RCAN2: variants seen among roughly 807,000 people sequenced by gnomAD.
RCAN2 encodes the protein calcipressin-2.
Under a neutral mutation model 23.6 loss-of-function variants are expected in RCAN2, and 9 were observed. The observed-to-expected ratio is 0.38, with a 90% CI of 0.23 to 0.67. RCAN2 has a LOEUF of 0.67. Ranked by LOEUF, RCAN2 falls within the 30% of genes least tolerant of loss-of-function variation. RCAN2 has a pLI of 0.51. For missense variants in RCAN2, 273 were observed against 302.3 expected (o/e 0.90, Z 0.72); for synonymous variants, 109 against 115.7 (o/e 0.94, Z 0.37).
chr6:46,224,389 A>C (rs189738243), intron 4 of RCAN2, among the ~76,000 whole-genome samples: 1 of 152,224 alleles, frequency 6.6e-6, no homozygotes, highest in African/African-American at 2.4e-5. Context: ...TAGATCTCAC[A>C]AGATCAAGTA....
chr6:46,423,991 T>C (rs1766963520), intron 2 of RCAN2, among the ~76,000 whole-genome samples: 1 of 152,182 alleles, frequency 6.6e-6, no homozygotes, highest in South Asian at 2.1e-4. Flanking sequence ...AGCCAATAAG[T>C]GTGGCAAAAG....
At chr6:46,261,072 C>T (rs549236336) in intron 2 of RCAN2, among the ~76,000 whole-genome samples, 6 of 152,188 alleles carry the variant, frequency 3.9e-5, no homozygotes, top group South Asian at 2.1e-4. Flanking sequence ...CCATCAATTC[C>T]TCTTCTCTGA....
chr6:46,293,030 A>C lies in RCAN2; in HGVS notation c.226-44134T>G, dbSNP rs1762617135. Among the ~76,000 whole-genome samples the C allele has an allele frequency of 2.0e-5, 3 of 152,164 alleles. No homozygotes were observed. The South Asian group carries it at 6.2e-4, about 31-fold the overall frequency. On this transcript the variant is annotated intron_variant, in intron 2 of 4. Coordinates refer to ENST00000371374, the MANE Select transcript of RCAN2 (RefSeq NM_001251974.2). ...GGAATGATGGTTTCCAGCTTCATCC[A>C]TGTCCCTGCAAAAGTTATGAACTCA...
chr6:46,432,433 G>C lies in RCAN2; in HGVS notation c.225+24319C>G, dbSNP rs146187209. On this transcript the variant is annotated intron_variant, in intron 2 of 4. Coordinates refer to ENST00000371374, the MANE Select transcript of RCAN2 (RefSeq NM_001251974.2). ...TCTCCATGTTGGCCAGGCTGGTCTC[G>C]AACTCCTGATCTCAGGTGATTTGCT... Among the ~76,000 whole-genome samples, 241 of 152,088 alleles carry C rather than the reference G, an allele frequency of 1.6e-3. 2 individuals carry two copies. In the East Asian group the frequency reaches 0.037, roughly 23 times the overall value.
chr6:46,365,901 A>C (rs1254419369), intron 2 of RCAN2, among the ~76,000 whole-genome samples: 1 of 152,208 alleles, frequency 6.6e-6, no homozygotes, highest in Non-Finnish European at 1.5e-5. Flanking sequence ...TGTGTTGGGC[A>C]TTATGCTAGC....
chr6:46,343,375 A>AT lies in RCAN2; in HGVS notation c.226-94480dup, dbSNP rs3084618. The stretch of plus-strand genomic sequence containing the variant: ...AATGGTATAGCCACTTGGGAAAACA[A>AT]TTTTTTTTTTTTTTTTTTGAGACAG... On this transcript the variant is annotated intron_variant, in intron 2 of 4. Transcript: ENST00000371374. 3.2e-3 allele frequency among the ~76,000 whole-genome samples: 429 copies of AT among 135,668 alleles called. 1 individual carries two copies. The highest frequency in any genetic ancestry group is 5.4e-3 in the African/African-American group (202 of 37,674). The allele number at this position is 135,668 out of a possible 152,430, so 89.0% of individuals were successfully genotyped here. A position where few individuals can be genotyped will look rare whatever the true frequency, so the allele number is the denominator to read the frequency against.
At chr6:46,232,071 C>T (rs1460965984) in intron 4 of RCAN2, among the ~76,000 whole-genome samples, 1 of 151,972 alleles carries the variant, frequency 6.6e-6, no homozygotes. Flanking sequence ...GTGGCCCAGT[C>T]TGATACAGAA....
intron 1 of RCAN2, among the ~76,000 whole-genome samples, chr6:46,473,443 A>ATT (rs201971641): frequency 6.6e-6 from 1 of 151,240 alleles, no homozygotes; most frequent in African/African-American, 2.4e-5. Context: ...TGTCTGTGCT[A>ATT]TTTTTTTTTG....
chr6:46,477,629 A>G (rs1768751070), intron 1 of RCAN2, among the ~76,000 whole-genome samples: 1 of 152,216 alleles, frequency 6.6e-6, no homozygotes, highest in South Asian at 2.1e-4. Context: ...TAATACAAAT[A>G]TTATCTACTG....
At chr6:46,247,822 T>C (rs946131524) in intron 3 of RCAN2, among the ~76,000 whole-genome samples, 5 of 152,218 alleles carry the variant, frequency 3.3e-5, no homozygotes, top group Admixed American at 1.3e-4. Flanking sequence ...TGTGTGTACA[T>C]GTATTTTTTT....
In RCAN2 at chr6:46,433,941, C is replaced by G. The variant is rs974874648; in HGVS notation, c.225+22811G>C. On this transcript the variant is annotated intron_variant, in intron 2 of 4. Coordinates refer to ENST00000371374, the MANE Select transcript of RCAN2 (RefSeq NM_001251974.2). ...TAAATGCTGCACACAATTGGTGGAG[C>G]GGGTAAGTGCCCACTTCAGCATATT... 5.6e-4 allele frequency among the ~76,000 whole-genome samples: 86 copies of G among 152,258 alleles called. 2 individuals carry two copies. Among genetic ancestry groups the G allele is most frequent in the Middle Eastern group, 3.4e-3 (1 of 294 alleles).
intron 4 of RCAN2, among the ~76,000 whole-genome samples, chr6:46,235,864 T>A (rs1759123708): frequency 6.6e-6 from 1 of 152,202 alleles, no homozygotes; most frequent in African/African-American, 2.4e-5. Flanking sequence ...CGTGCCAGAA[T>A]AAGCCACCTA....
rs549510468 is a variant in RCAN2 at position 46,340,412 on chromosome 6, A to G, written c.226-91516T>C. ...GTTGTTTCTGAAAAGTTGTTTCCCA[A>G]TCAGGGCCCAGCTCTGGTGTGATCA... On this transcript the variant is annotated intron_variant, in intron 2 of 4. Coordinates refer to ENST00000371374, the MANE Select transcript of RCAN2 (RefSeq NM_001251974.2). Among the ~76,000 whole-genome samples, 5 of 152,312 alleles carry G rather than the reference A, an allele frequency of 3.3e-5. No individual in the cohort carries two copies. The East Asian group carries it at 9.6e-4, about 29-fold the overall frequency.
At chr6:46,454,337 G>A (rs1235460685) in intron 2 of RCAN2, among the ~76,000 whole-genome samples, 1 of 152,136 alleles carries the variant, frequency 6.6e-6, no homozygotes, top group Non-Finnish European at 1.5e-5. Context: ...AGAGAAATAT[G>A]CAGTGAAAAT....
chr6:46,258,059 G>A (rs934342943), intron 2 of RCAN2, among the ~76,000 whole-genome samples: 1 of 151,954 alleles, frequency 6.6e-6, no homozygotes, highest in African/African-American at 2.4e-5. Flanking sequence ...GATCCCTTTG[G>A]GCATAAATTG....
intron 2 of RCAN2, among the ~76,000 whole-genome samples, chr6:46,347,693 C>G (rs1764528749): frequency 1.3e-5 from 2 of 152,126 alleles, no homozygotes; most frequent in Non-Finnish European, 1.5e-5. Flanking sequence ...GTAGAATTAT[C>G]AACTACATAA....
intron 2 of RCAN2, among the ~76,000 whole-genome samples, chr6:46,276,137 T>G (rs948438282): frequency 3.3e-5 from 5 of 151,992 alleles, no homozygotes; most frequent in Admixed American, 1.3e-4. Flanking sequence ...ACCTAGGAGG[T>G]GGAGGTTGCA....
intron 2 of RCAN2, among the ~76,000 whole-genome samples, chr6:46,268,856 G>C (rs1430660462): frequency 6.6e-6 from 1 of 152,084 alleles, no homozygotes. Context: ...ATTATTTCTG[G>C]AAGGCAGGGG....
rs1176537967 is a variant in RCAN2 at position 46,446,307 on chromosome 6, T to TG, written c.225+10444dup. 1.9e-4 allele frequency among the ~76,000 whole-genome samples: 13 copies of TG among 69,486 alleles called. No homozygotes were observed. In the East Asian group the frequency reaches 4.2e-3, roughly 23 times the overall value. The allele number at this position is 69,486 out of a possible 152,430, so 45.6% of individuals were successfully genotyped here. On this transcript the variant is annotated intron_variant, in intron 2 of 4. Coordinates refer to ENST00000371374, the MANE Select transcript of RCAN2 (RefSeq NM_001251974.2). The stretch of plus-strand genomic sequence containing the variant: ...CCCAGAGGCAGGGTGTGTGTGTGGG[T>TG]GGGGGTGCTGGGGGGAAACTGCCAA...
Sources: allele counts gnomAD v4.1 joint callset (sites outside exome capture counted in the v4.1 genomes callset), GRCh38; gene constraint gnomAD v4.1.1; transcripts MANE v1.5; gene names NCBI Gene and HGNC (gene_info 2026-07-23, HGNC 2026-07-21).